Variants in ARHGAP35 observed in about 807,000 individuals in gnomAD.
ARHGAP35 encodes rho GTPase-activating protein 35.
A neutral mutation model predicts 111.1 loss-of-function variants in ARHGAP35; 15 were observed. The ratio of observed to expected loss-of-function variants is 0.13; its 90% CI spans 0.09 to 0.21. The LOEUF (loss-of-function observed/expected upper bound fraction) is 0.21. Among genes scored for constraint, ARHGAP35 ranks in the 10% least tolerant of loss-of-function variants. The pLI is 1.00. For missense variants in ARHGAP35, 1,262 were observed against 1,873.0 expected (o/e 0.67, Z 6.02); for synonymous variants, 643 against 710.3 (o/e 0.91, Z 1.51).
chr19:46,939,401 AT>A (rs2056331481), intron 3 of ARHGAP35, among the ~76,000 whole-genome samples: 2 of 147,484 alleles, frequency 1.4e-5, no homozygotes, highest in Admixed American at 6.7e-5. Flanking sequence ...TTATTTATTT[AT>A]TTATTTATTT....
In ARHGAP35 at chr19:46,989,422, G is replaced by A; in HGVS notation, c.3905-122G>A. ...CACAAGTCCCACCCCTCCAATCCTT[G>A]CCAGTCCTGAGGCCGTCTCTGGCTC... On this transcript the variant is annotated intron_variant, in intron 4 of 6. Coordinates refer to ENST00000672722, the MANE Select transcript of ARHGAP35 (RefSeq NM_004491.5). The surrounding 1 kb of genome is among the most constrained non-coding windows in gnomAD (Gnocchi z 5.3). 1 of 1,316,682 alleles carries A rather than the reference G, an allele frequency of 7.6e-7. No homozygotes were observed. Among genetic ancestry groups the A allele is most frequent in the Non-Finnish European group, 1.0e-6 (1 of 961,736 alleles). 81.6% of individuals were successfully genotyped at this position (1,316,682 alleles called of 1,614,324 possible).
chr19:46,903,676 A>G (rs1176518304), intron 1 of ARHGAP35, among the ~76,000 whole-genome samples: 1 of 152,206 alleles, frequency 6.6e-6, no homozygotes, highest in Admixed American at 6.5e-5. Flanking sequence ...CAGTGATAAG[A>G]GATGACTCGT....
At position 46,999,091 on chromosome 19, in the gene ARHGAP35, CG is replaced by C; in HGVS notation, c.4037-208del. On this transcript the variant is annotated intron_variant, in intron 5 of 6. Coordinates refer to ENST00000672722, the MANE Select transcript of ARHGAP35 (RefSeq NM_004491.5). This position sits in a 1 kb window ranked among gnomAD's most constrained non-coding sequence, Gnocchi z 5.4. The stretch of plus-strand genomic sequence containing the variant: ...CCAGGCACACAGTGCCGCCCTTCAG[CG>C]GGGGCCTGGGACACAGAGGTGGGCC... 1.8e-6 allele frequency: 1 copy of C among 557,156 alleles called. No individual in the cohort carries two copies. Among genetic ancestry groups the C allele is most frequent in the East Asian group, 2.8e-5 (1 of 35,226 alleles). The allele number at this position is 557,156 out of a possible 1,614,324, so 34.5% of individuals were successfully genotyped here.
chr19:46,891,746 G>C (rs937169592), intron 1 of ARHGAP35, among the ~76,000 whole-genome samples: 7 of 152,102 alleles, frequency 4.6e-5, no homozygotes, highest in African/African-American at 1.7e-4. Flanking sequence ...TCTTAATCCA[G>C]GGTTCCTGAA....
chr19:46,946,333 T>C (rs1429555603), intron 3 of ARHGAP35, among the ~76,000 whole-genome samples: 1 of 152,158 alleles, frequency 6.6e-6, no homozygotes, highest in African/African-American at 2.4e-5. Flanking sequence ...CCTCTGTCAC[T>C]GTGGGGAGGA....
chr19:46,962,844 C>T (rs2056492493), intron 3 of ARHGAP35, among the ~76,000 whole-genome samples: 1 of 152,154 alleles, frequency 6.6e-6, no homozygotes, highest in Non-Finnish European at 1.5e-5. Context: ...GAACTCCTGA[C>T]CTCAGGTGAT....
rs144357079 is a variant in ARHGAP35 at position 46,953,675 on chromosome 19, CG to C, written c.3826+16269del. 6.8e-4 allele frequency among the ~76,000 whole-genome samples: 104 copies of C among 152,276 alleles called. 1 individual carries two copies. In the East Asian group the frequency reaches 0.017, roughly 25 times the overall value. ...ATGTATACCCAGTCCCCCATATTGC[CG>C]GCATGGGTTCAACCAAACCCCTCCT... On this transcript the variant is annotated intron_variant, in intron 3 of 6. Coordinates refer to ENST00000672722, the MANE Select transcript of ARHGAP35 (RefSeq NM_004491.5).
chr19:46,889,909 G>A (rs547550527), intron 1 of ARHGAP35, among the ~76,000 whole-genome samples: 1 of 152,314 alleles, frequency 6.6e-6, no homozygotes, highest in South Asian at 2.1e-4. Flanking sequence ...GGCTAGACGT[G>A]CAGATTCTAA....
intron 3 of ARHGAP35, among the ~76,000 whole-genome samples, chr19:46,979,107 G>T (rs1404020919): frequency 6.0e-5 from 9 of 151,174 alleles, no homozygotes; most frequent in Non-Finnish European, 1.0e-4. Context: ...TTTGTAGGGG[G>T]GTGTGTATGT....
chr19:46,978,363 C>A (rs1332381775), intron 3 of ARHGAP35, among the ~76,000 whole-genome samples: 1 of 152,166 alleles, frequency 6.6e-6, no homozygotes, highest in Admixed American at 6.5e-5. Flanking sequence ...AACCTCTGCC[C>A]TCCTTAATGC....
rs1027865644 is a variant in ARHGAP35, at chr19:47,003,102, G to T, written c.*2414G>T. On this transcript the variant is annotated 3_prime_UTR_variant, in exon 7 of 7. Transcript: ENST00000672722. ...CGCTAACTTCAGCCTCTCATCTGCT[G>T]CTCCGGGCTGAGGGACTAGAGGACA... is the stretch of plus-strand genomic sequence containing the variant. The T allele has an allele frequency of 6.6e-6, 1 of 152,390 alleles. No homozygotes were observed. The highest frequency in any genetic ancestry group is 2.4e-5 in the African/African-American group (1 of 41,464). 9.4% of individuals were successfully genotyped at this position (152,390 alleles called of 1,614,324 possible).
At chr19:46,962,153 A>C (rs147243903) in intron 3 of ARHGAP35, among the ~76,000 whole-genome samples, 1,824 of 152,284 alleles carry the variant, frequency 0.012, 40 homozygotes, top group Middle Eastern at 0.014. Flanking sequence ...ATCACCGTAC[A>C]CTTCTCTGTA....
chr19:46,909,540 T>A (rs2056127737), intron 1 of ARHGAP35, among the ~76,000 whole-genome samples: 1 of 152,140 alleles, frequency 6.6e-6, no homozygotes, highest in Non-Finnish European at 1.5e-5. Flanking sequence ...TCAGTCTTTC[T>A]AAAGATCCAG....
chr19:46,891,238 G>A (rs1446116863), intron 1 of ARHGAP35, among the ~76,000 whole-genome samples: 5 of 152,154 alleles, frequency 3.3e-5, no homozygotes, highest in Non-Finnish European at 5.9e-5. Context: ...GTTACTAGCA[G>A]GTGAGGATTA....
At chr19:46,949,682 A>G (rs761198462) in intron 3 of ARHGAP35, among the ~76,000 whole-genome samples, 12 of 152,234 alleles carry the variant, frequency 7.9e-5, no homozygotes, top group Non-Finnish European at 1.2e-4. Context: ...CTGGCCAACC[A>G]TAGGCAAGAC....
intron 3 of ARHGAP35, among the ~76,000 whole-genome samples, chr19:46,981,946 C>A (rs545667660): frequency 1.3e-5 from 2 of 152,146 alleles, no homozygotes; most frequent in African/African-American, 4.8e-5. Context: ...CTCAACCTCC[C>A]AGGCTCAAAT....
At chr19:46,928,311 TCTC>T (rs879351925) in intron 2 of ARHGAP35, among the ~76,000 whole-genome samples, 2 of 152,152 alleles carry the variant, frequency 1.3e-5, no homozygotes, top group Non-Finnish European at 2.9e-5. Flanking sequence ...GCCAACTTGG[TCTC>T]CTCCACCACC....
At chr19:46,869,662 A>T (rs1362328010) in intron 1 of ARHGAP35, among the ~76,000 whole-genome samples, 1 of 152,184 alleles carries the variant, frequency 6.6e-6, no homozygotes, top group East Asian at 1.9e-4. Context: ...TGCCATGGGC[A>T]ATTAAAAAGA....
chr19:46,960,327 G>A (rs574367959), intron 3 of ARHGAP35, among the ~76,000 whole-genome samples: 1 of 152,198 alleles, frequency 6.6e-6, no homozygotes, highest in East Asian at 1.9e-4. Context: ...TCTCCTCCAT[G>A]ACTAGGCAGT....
Sources: gnomAD v4.1 joint callset for allele counts (sites outside exome capture counted in the v4.1 genomes callset) on GRCh38, gnomAD v4.1.1 for gene constraint, Gnocchi (gnomAD v3.1) non-coding constraint, MANE v1.5 for transcripts, NCBI Gene and HGNC (gene_info 2026-07-23, HGNC 2026-07-21) for gene names.